ERCC2: variants seen among roughly 807,000 people sequenced by gnomAD.
ERCC2 encodes the protein ERCC excision repair 2, TFIIH core complex helicase subunit.
In ERCC2, 90 loss-of-function variants were observed where a neutral mutation model predicts 99.4. The ratio of observed to expected loss-of-function variants is 0.91; its 90% confidence interval spans 0.76 to 1.08. The LOEUF (loss-of-function observed/expected upper bound fraction) is 1.08, where lower values mean the gene tolerates loss of function less well. Ranked by LOEUF, ERCC2 falls within the 50% of genes least tolerant of loss-of-function variation. ERCC2 has a pLI of 0.00. For synonymous variants in ERCC2, 497 were observed against 432.4 expected, an observed-to-expected ratio of 1.15 and a Z score of -1.85; for missense variants, 993 against 1,038.1, an observed-to-expected ratio of 0.96 and a Z score of 0.60.
chr19:45,363,425 C>T (rs1424773633), intron 11 of ERCC2, among the ~76,000 whole-genome samples: 2 of 152,172 alleles, frequency 1.3e-5, no homozygotes, highest in African/African-American at 4.8e-5. Flanking sequence ...GCTCCCAGCT[C>T]TCACCTCCCA....
intron 12 of ERCC2, 47 bp from the exon 13 acceptor site, chr19:45,357,746 C>G: frequency 6.6e-7 from 1 of 1,525,564 alleles, no homozygotes; most frequent in African/African-American, 1.4e-5. Flanking sequence ...ACTACAGCCA[C>G]AGCTGCACCC....
chr19:45,359,621 C>G (rs973873091), intron 12 of ERCC2, among the ~76,000 whole-genome samples: 30 of 152,176 alleles, frequency 2.0e-4, no homozygotes, highest in Admixed American at 1.4e-3. Flanking sequence ...AACCCAGGCA[C>G]CACGCTCCCC....
At chr19:45,353,977 C>A (rs238415) in intron 17 of ERCC2, among the ~76,000 whole-genome samples, 1 of 152,030 alleles carries the variant, frequency 6.6e-6, no homozygotes, top group African/African-American at 2.4e-5. Flanking sequence ...AAGGCACCTG[C>A]GCTGTGGGGA....
At chr19:45,352,722 T>G (rs759650030) in intron 20 of ERCC2, 24 bp downstream of exon 20, 26 of 1,613,566 alleles carry the variant, frequency 1.6e-5, no homozygotes, top group Non-Finnish European at 2.2e-5. Context: ...ACTGTGGGAC[T>G]CCCTGGGAGA....
At chr19:45,356,193 C>T (rs557674442) in intron 15 of ERCC2, among the ~76,000 whole-genome samples, 13 of 152,286 alleles carry the variant, frequency 8.5e-5, no homozygotes, top group African/African-American at 1.9e-4. Context: ...CTCGCCATGC[C>T]GGCGGGCATC....
At position 45,351,403 on chromosome 19, in the gene ERCC2, G is replaced by A; in HGVS notation, c.*226C>T. 6.2e-7 allele frequency: 1 copy of A among 1,602,230 alleles called. No individual in the cohort carries two copies. The highest frequency in any genetic ancestry group is 8.5e-7 in the Non-Finnish European group (1 of 1,177,688). On this transcript the variant is annotated 3_prime_UTR_variant, in exon 23 of 23. Transcript: ENST00000391945. The stretch of plus-strand genomic sequence containing the variant: ...CCGCAGCTTCTTGGGAACAGTGCAG[G>A]AGGGATGGGCTGGTGGGGTGAGAGG...
At chr19:45,355,893 G>A (rs1359526959) in intron 15 of ERCC2, among the ~76,000 whole-genome samples, 165 bp from the exon 16 acceptor site, 1 of 150,574 alleles carries the variant, frequency 6.6e-6, no homozygotes. Context: ...GGCCTCAAGT[G>A]ACCATCCCGC....
chr19:45,355,476 G>T (rs1334939363), intron 16 of ERCC2, among the ~76,000 whole-genome samples, 189 bp downstream of exon 16: 2 of 152,238 alleles, frequency 1.3e-5, no homozygotes, highest in Non-Finnish European at 2.9e-5. Context: ...AGCGGTGGAG[G>T]TTCCCAGGTG....
At chr19:45,364,616 C>A (rs1252730718) in intron 7 of ERCC2, 69 bp from the exon 8 acceptor site, 8 of 1,596,462 alleles carry the variant, frequency 5.0e-6, no homozygotes, top group East Asian at 2.2e-5. Flanking sequence ...CCTGGCCACA[C>A]TGGCCCGTCA....
At chr19:45,352,057 C>T (rs906788091) in intron 22 of ERCC2, 152 bp downstream of exon 22, 20 of 953,630 alleles carry the variant, frequency 2.1e-5, no homozygotes, top group African/African-American at 1.4e-4. Flanking sequence ...CCCTTCCCCC[C>T]AGAGCCTGGC....
chr19:45,368,485 A>C (rs1972501988), intron 5 of ERCC2, 145 bp downstream of exon 5: 1 of 709,412 alleles, frequency 1.4e-6, no homozygotes, highest in Admixed American at 2.0e-5. Flanking sequence ...GATGAATGAG[A>C]ATTTGACCAC....
At position 45,364,101 on chromosome 19, in the gene ERCC2, C is replaced by T. The variant is rs1308507226; in HGVS notation, c.834G>A (p.Glu278=). 6.2e-7 allele frequency: 1 copy of T among 1,609,100 alleles called. No individual in the cohort carries two copies. Among genetic ancestry groups the T allele is most frequent in the African/African-American group, 1.3e-5 (1 of 74,906 alleles). ...GCCGGTACTCGTCCCGCAGGCGCTG[C>T]TCGTCTGTCTCTTTGATCCTGCGGA... The part of the protein sequence containing the change: ...KTVLRIKETD[E]QRLRDEYRRL... Residue 278 remains glutamate (E), a synonymous_variant, in exon 10 of 23, where the codon GAG becomes GAA. Transcript: ENST00000391945.
intron 12 of ERCC2, among the ~76,000 whole-genome samples, chr19:45,360,826 G>A (rs1372455773): frequency 6.6e-6 from 1 of 151,100 alleles, no homozygotes; most frequent in Non-Finnish European, 1.5e-5. Flanking sequence ...GCACCCAGAA[G>A]AAATCTTTCC....
Position 45,350,729 on chromosome 19 carries a change from C to A in ERCC2, c.*900G>T, listed in dbSNP as rs751392586. The stretch of plus-strand genomic sequence containing the variant: ...CTGGTCTCCCGGCTCCGAGGCGAGG[C>A]GGCGGCAGGAGCAGCCGGGTGAGTG... On this transcript the variant is annotated 3_prime_UTR_variant, in exon 23 of 23. Transcript: ENST00000391945. 9 of 1,612,268 alleles carry A rather than the reference C, an allele frequency of 5.6e-6. No individual in the cohort carries two copies. The highest frequency in any genetic ancestry group is 3.3e-5 in the Admixed American group (2 of 59,734).
At position 45,352,788 on chromosome 19, in the gene ERCC2, CATGATGACGG is replaced by C; in HGVS notation, c.1850_1859del (p.Ala617GlyfsTer89). On this transcript the variant is annotated frameshift_variant, in exon 20 of 23. Coordinates refer to ENST00000391945, the MANE Select transcript of ERCC2 (RefSeq NM_000400.4). LOFTEE classifies it high-confidence loss of function. ...GTGTGTAGACGTAGGGGACGCCAAA[CATGATGACGG>C]CCCGCCCGTAGTGGTGCACTGGTGG... 6.2e-7 allele frequency: 1 copy of C among 1,610,688 alleles called. No individual in the cohort carries two copies. The highest frequency in any genetic ancestry group is 2.2e-5 in the East Asian group (1 of 44,670).
Position 45,364,106 on chromosome 19 carries a change from C to T in ERCC2, c.829G>A (p.Asp277Asn). The T allele has an allele frequency of 1.2e-6, 2 of 1,610,554 alleles. No individual in the cohort carries two copies. The highest frequency in any genetic ancestry group is 8.5e-7 in the Non-Finnish European group (1 of 1,178,968). Residue 277 changes from aspartate (D) to asparagine (N), a missense_variant, in exon 10 of 23, where the codon GAC becomes AAC. Physicochemically the swap from Asp to Asn is conservative, Grantham distance 23 (BLOSUM62 1). Coordinates refer to ENST00000391945, the MANE Select transcript of ERCC2 (RefSeq NM_000400.4). ...QKTVLRIKET[D>N]EQRLRDEYRR... ...TACTCGTCCCGCAGGCGCTGCTCGT[C>T]TGTCTCTTTGATCCTGCGGAGAGAT... is the stretch of plus-strand genomic sequence containing the variant.
At position 45,352,659 on chromosome 19, in the gene ERCC2, C is replaced by A. The variant is rs377105559; in HGVS notation, c.1903-10G>T. ...GGTATTCCAGCCGCGCCTGCAGATA[C>A]GGAGGATGAGAAGCTGGGGAGGTGG... On this transcript the variant is annotated splice_polypyrimidine_tract_variant and intron_variant, in intron 20 of 22. Coordinates refer to ENST00000391945, the MANE Select transcript of ERCC2 (RefSeq NM_000400.4). The A allele has an allele frequency of 1.2e-5, 19 of 1,613,850 alleles. No individual in the cohort carries two copies. The highest frequency in any genetic ancestry group is 2.2e-5 in the East Asian group (1 of 44,890).
At chr19:45,354,588 C>T (rs1160522470) in intron 17 of ERCC2, 142 bp downstream of exon 17, 5 of 1,058,894 alleles carry the variant, frequency 4.7e-6, no homozygotes, top group African/African-American at 4.6e-5. Flanking sequence ...GCTGCTTACA[C>T]CCCATTCCTA....
intron 15 of ERCC2, among the ~76,000 whole-genome samples, chr19:45,356,997 G>A (rs951796184): frequency 9.9e-5 from 15 of 152,186 alleles, no homozygotes; most frequent in South Asian, 4.1e-4. Flanking sequence ...GGCCCTGGGC[G>A]ACCTAAGTGG....
Sources: allele counts gnomAD v4.1 joint callset (sites outside exome capture counted in the v4.1 genomes callset), GRCh38; gene constraint gnomAD v4.1.1; transcripts MANE v1.5; gene names NCBI Gene and HGNC (gene_info 2026-07-23, HGNC 2026-07-21).